The following KHDRBS2 variants were observed in gnomAD, a reference collection of about 807,000 sequenced individuals.
KHDRBS2 encodes the protein KH domain-containing, RNA-binding, signal transduction-associated protein 2.
A neutral mutation model predicts 44.3 loss-of-function variants in KHDRBS2; 26 were observed. That is an observed-to-expected ratio of 0.59 (90% CI 0.43 to 0.81). The LOEUF (loss-of-function observed/expected upper bound fraction) is 0.81, where lower values mean the gene tolerates loss of function less well. Among genes scored for constraint, KHDRBS2 ranks in the 40% least tolerant of loss-of-function variants. KHDRBS2 has a pLI of 0.00. For synonymous variants in KHDRBS2, 194 were observed against 151.1 expected (o/e 1.28, Z -2.08); for missense variants, 476 against 433.1 (o/e 1.10, Z -0.88).
intron 4 of KHDRBS2, among the ~76,000 whole-genome samples, chr6:61,967,768 T>C (rs1275994328): frequency 1.1e-4 from 16 of 151,662 alleles, no homozygotes. Context: ...TCTACATTAT[T>C]ATTTTGCCTG....
chr6:61,669,359 A>G, the KHDRBS2 span, among the ~76,000 whole-genome samples: 2 of 150,854 alleles, frequency 1.3e-5, no homozygotes, highest in Admixed American at 6.6e-5. Flanking sequence ...ATATATATGC[A>G]ACATCATTGT....
At chr6:61,596,927 G>A in the KHDRBS2 span, among the ~76,000 whole-genome samples, 2 of 152,218 alleles carry the variant, frequency 1.3e-5, no homozygotes, top group African/African-American at 2.4e-5. Context: ...TGGAATTACA[G>A]GTGTGAGCCA....
At chr6:62,027,652 A>G (rs1783611816) in intron 3 of KHDRBS2, among the ~76,000 whole-genome samples, 1 of 152,090 alleles carries the variant, frequency 6.6e-6, no homozygotes, top group East Asian at 1.9e-4. Context: ...TTAAAGAATG[A>G]CTTAATCATA....
At chr6:62,098,244 G>GTTTTTTTTTTTTTTT (rs35184806) in intron 2 of KHDRBS2, among the ~76,000 whole-genome samples, 1 of 127,848 alleles carries the variant, frequency 7.8e-6, no homozygotes. Flanking sequence ...AGCTTCAAAC[G>GTTTTTTTTTTTTTTT]TTTTTTTTTT....
At chr6:62,160,597 T>C (rs1032497802) in intron 2 of KHDRBS2, among the ~76,000 whole-genome samples, 2 of 152,094 alleles carry the variant, frequency 1.3e-5, no homozygotes, top group Non-Finnish European at 2.9e-5. Context: ...GTATGGCCTA[T>C]ATGTTTAAAG....
At chr6:61,557,885 G>A in the KHDRBS2 span, among the ~76,000 whole-genome samples, 133 of 152,038 alleles carry the variant, frequency 8.7e-4, no homozygotes, top group South Asian at 6.2e-3. Context: ...CATGTGTCTC[G>A]GAATTTTTCC....
chr6:62,205,329 A>G (rs1300642312), intron 1 of KHDRBS2, among the ~76,000 whole-genome samples: 1 of 152,166 alleles, frequency 6.6e-6, no homozygotes, highest in African/African-American at 2.4e-5. Context: ...AAAATGAAAG[A>G]TATTTATAGT....
chr6:61,704,741 C>A (rs1416333412), intron 7 of KHDRBS2, among the ~76,000 whole-genome samples: 1 of 131,718 alleles, frequency 7.6e-6, no homozygotes, highest in East Asian at 2.3e-4. Context: ...CAACACCTGG[C>A]ACATTATTCA....
At chr6:61,668,453 T>C in the KHDRBS2 span, among the ~76,000 whole-genome samples, 54,085 of 150,770 alleles carry the variant, frequency 0.36, 10,424 homozygotes, top group East Asian at 0.49. Context: ...GGAAAGTGTG[T>C]AATGGTCTAA....
At chr6:62,059,611 AC>A (rs1032340695) in intron 2 of KHDRBS2, among the ~76,000 whole-genome samples, 16 of 151,790 alleles carry the variant, frequency 1.1e-4, no homozygotes, top group Admixed American at 1.3e-4. Context: ...GAATACAGGA[AC>A]AAAAACGTTA....
chr6:62,022,228 TTAAA>T (rs1782484110), intron 3 of KHDRBS2, among the ~76,000 whole-genome samples: 1 of 151,768 alleles, frequency 6.6e-6, no homozygotes, highest in South Asian at 2.1e-4. Context: ...TTAAAAATGT[TTAAA>T]TAAAGAAGTA....
the KHDRBS2 span, among the ~76,000 whole-genome samples, chr6:61,565,995 T>G: frequency 1.3e-5 from 1 of 77,320 alleles, no homozygotes; most frequent in Admixed American, 1.6e-4. Flanking sequence ...GTAAAGAAAA[T>G]GTGGTGTGTG....
At position 61,713,538 on chromosome 6, in the gene KHDRBS2, T is replaced by A. The variant is rs115719043; in HGVS notation, c.894-16285A>T. On this transcript the variant is annotated intron_variant, in intron 7 of 8. Coordinates refer to ENST00000281156, the MANE Select transcript of KHDRBS2 (RefSeq NM_152688.4). ...AAGAGAAATATCTTCCTTATCTATA[T>A]CCTTGTAGTACAATTTGAAGTCAGG... Among the ~76,000 whole-genome samples the A allele has an allele frequency of 5.3e-3, 797 of 151,708 alleles. 4 individuals are homozygous for A. The highest frequency in any genetic ancestry group is 0.018 in the African/African-American group (752 of 41,498).
intron 1 of KHDRBS2, among the ~76,000 whole-genome samples, chr6:62,260,187 T>A (rs971204987): frequency 6.6e-6 from 1 of 152,004 alleles, no homozygotes; most frequent in African/African-American, 2.4e-5. Context: ...TCAAATGAAG[T>A]AATAAGCACC....
In KHDRBS2 at chr6:61,864,385, T is replaced by C. The variant is rs1797484740; in HGVS notation, c.810+30250A>G. 2.0e-5 allele frequency among the ~76,000 whole-genome samples: 3 copies of C among 152,314 alleles called. No individual in the cohort carries two copies. The South Asian group carries it at 6.2e-4, about 32-fold the overall frequency. ...TTCATAGTGTCACTGGTCTGTATAC[T>C]TCAGCATGTTTTTGTAGTGGCTGGT... On this transcript the variant is annotated intron_variant, in intron 6 of 8. Transcript: ENST00000281156.
At chr6:62,199,983 G>T (rs1356930616) in intron 1 of KHDRBS2, among the ~76,000 whole-genome samples, 1 of 152,130 alleles carries the variant, frequency 6.6e-6, no homozygotes, top group Middle Eastern at 3.2e-3. Flanking sequence ...AAGAAATGGA[G>T]AAAGGATTCC....
intron 1 of KHDRBS2, among the ~76,000 whole-genome samples, chr6:62,276,861 T>C (rs1425077571): frequency 3.9e-5 from 6 of 152,208 alleles, no homozygotes; most frequent in Non-Finnish European, 8.8e-5. Context: ...ACACGTGGCA[T>C]CTAGGTGAAA....
At chr6:62,197,067 AAAG>A (rs1202329077) in intron 1 of KHDRBS2, among the ~76,000 whole-genome samples, 2 of 152,244 alleles carry the variant, frequency 1.3e-5, no homozygotes, top group East Asian at 3.9e-4. Flanking sequence ...CACACTGACA[AAAG>A]AAGTTTCACA....
At chr6:61,562,106 C>A in the KHDRBS2 span, among the ~76,000 whole-genome samples, 3 of 152,104 alleles carry the variant, frequency 2.0e-5, no homozygotes, top group African/African-American at 7.2e-5. Flanking sequence ...AATTTGACAT[C>A]ATATATTCAG....
Sources: gnomAD v4.1 joint callset for allele counts (sites outside exome capture counted in the v4.1 genomes callset) on GRCh38, gnomAD v4.1.1 for gene constraint, MANE v1.5 for transcripts, NCBI Gene and HGNC (gene_info 2026-07-23, HGNC 2026-07-21) for gene names.